ZNF385D: variants seen among roughly 807,000 people sequenced by gnomAD.
ZNF385D encodes the protein zinc finger protein 659.
A neutral mutation model predicts 35.8 loss-of-function variants in ZNF385D; 15 were observed. The ratio of observed to expected loss-of-function variants is 0.42; its 90% CI spans 0.28 to 0.64. ZNF385D has a LOEUF of 0.64. Ranked by LOEUF, ZNF385D falls within the 30% of genes least tolerant of loss-of-function variation. The pLI, the probability that ZNF385D is intolerant of heterozygous loss-of-function variation, is 0.23. For synonymous variants in ZNF385D, 212 were observed against 186.8 expected (o/e 1.13, Z -1.10); for missense variants, 474 against 494.6 (o/e 0.96, Z 0.39).
At chr3:21,885,156 C>T (rs1040539451) in intron 3 of ZNF385D, among the ~76,000 whole-genome samples, 1 of 151,944 alleles carries the variant, frequency 6.6e-6, no homozygotes, top group African/African-American at 2.4e-5. Flanking sequence ...ATCATATATG[C>T]AGCTGTTACA....
chr3:22,305,657 T>C (rs1703167220), intron 2 of ZNF385D, among the ~76,000 whole-genome samples: 1 of 152,168 alleles, frequency 6.6e-6, no homozygotes, highest in Non-Finnish European at 1.5e-5. Context: ...AGATGATGCA[T>C]GTCACTGCTG....
intron 2 of ZNF385D, among the ~76,000 whole-genome samples, chr3:21,640,210 T>C (rs2065562467): frequency 6.6e-6 from 1 of 152,076 alleles, no homozygotes; most frequent in Non-Finnish European, 1.5e-5. Context: ...ATTCACATGT[T>C]ATACTGCCAT....
chr3:21,782,123 T>C (rs17621744), intron 3 of ZNF385D, among the ~76,000 whole-genome samples: 45,794 of 151,994 alleles, frequency 0.3, 7,642 homozygotes, highest in Middle Eastern at 0.44. Context: ...TTTAGCATAA[T>C]TCATTCAGAG....
chr3:22,206,600 A>C (rs776935398), intron 2 of ZNF385D, among the ~76,000 whole-genome samples: 1 of 152,024 alleles, frequency 6.6e-6, no homozygotes, highest in Non-Finnish European at 1.5e-5. Flanking sequence ...CCATGAATAA[A>C]ACTAGAAATC....
intron 3 of ZNF385D, among the ~76,000 whole-genome samples, chr3:22,139,218 G>A (rs1704342565): frequency 6.6e-6 from 1 of 152,084 alleles, no homozygotes; most frequent in African/African-American, 2.4e-5. Flanking sequence ...GATTCCTCAG[G>A]GATCTAGAAC....
At chr3:21,647,842 G>C (rs1575392451) in intron 2 of ZNF385D, among the ~76,000 whole-genome samples, 1 of 151,886 alleles carries the variant, frequency 6.6e-6, no homozygotes, top group Admixed American at 6.6e-5. Flanking sequence ...TTATAGGCTT[G>C]GCAGAATAAA....
At chr3:21,566,811 G>A (rs1021936955) in intron 2 of ZNF385D, among the ~76,000 whole-genome samples, 2 of 152,116 alleles carry the variant, frequency 1.3e-5, no homozygotes, top group Non-Finnish European at 2.9e-5. Context: ...TCCACTATCT[G>A]GACAAGTTCC....
At chr3:21,517,612 T>G (rs1269383858) in intron 3 of ZNF385D, among the ~76,000 whole-genome samples, 1 of 152,144 alleles carries the variant, frequency 6.6e-6, no homozygotes, top group African/African-American at 2.4e-5. Context: ...CTGTGAAACC[T>G]CCCCACCTCC....
intron 3 of ZNF385D, among the ~76,000 whole-genome samples, chr3:21,791,303 A>G (rs1171965416): frequency 6.6e-6 from 1 of 152,220 alleles, no homozygotes; most frequent in Non-Finnish European, 1.5e-5. Flanking sequence ...CAATAACCCA[A>G]AAAACAAATT....
chr3:21,893,292 A>G (rs959912473), intron 3 of ZNF385D, among the ~76,000 whole-genome samples: 1 of 152,188 alleles, frequency 6.6e-6, no homozygotes, highest in African/African-American at 2.4e-5. Context: ...CATTCCAAAT[A>G]TGAATTGCAC....
chr3:22,171,125 T>A (rs1242121879), intron 2 of ZNF385D, among the ~76,000 whole-genome samples: 1 of 152,078 alleles, frequency 6.6e-6, no homozygotes, highest in Non-Finnish European at 1.5e-5. Context: ...AAAAAATAAA[T>A]CAATAAATTT....
Position 22,291,475 on chromosome 3 carries a change from C to T in ZNF385D, c.106+80975G>A, listed in dbSNP as rs114957049. Among the ~76,000 whole-genome samples the T allele has an allele frequency of 5.7e-3, 866 of 151,928 alleles. 9 individuals are homozygous for T. Among genetic ancestry groups the T allele is most frequent in the South Asian group, 0.049 (236 of 4,816 alleles). On this transcript the variant is annotated intron_variant, in intron 2 of 5. Coordinates refer to the ZNF385D transcript ENST00000494108. ...ATTTTCTGTTTAATTTTATATCCTA[C>T]CATATACAAATATAATAGCTTTCCT...
At position 21,418,227 on chromosome 3, in the gene ZNF385D, C is replaced by T. The variant is rs556662117; in HGVS notation, c.*2987G>A. On this transcript the variant is annotated 3_prime_UTR_variant, in exon 8 of 8. Transcript: ENST00000281523. ...TGATGCATGGGAAGGAATGTAAAAC[C>T]ATAAAGTCAGACCACCCTCAGGGAT... is the stretch of plus-strand genomic sequence containing the variant. 9.2e-5 allele frequency: 14 copies of T among 152,252 alleles called. No individual in the cohort carries two copies. The highest frequency in any genetic ancestry group is 8.3e-4 in the South Asian group (4 of 4,834). The allele number at this position is 152,252 out of a possible 1,614,324, so 9.4% of individuals were successfully genotyped here.
At chr3:22,326,720 A>G (rs1377578855) in intron 2 of ZNF385D, among the ~76,000 whole-genome samples, 1 of 152,244 alleles carries the variant, frequency 6.6e-6, no homozygotes, top group Non-Finnish European at 1.5e-5. Context: ...TTAGTGACAA[A>G]GTCTACCTAA....
chr3:21,677,514 C>T (rs2066766169), intron 1 of ZNF385D, among the ~76,000 whole-genome samples: 1 of 152,000 alleles, frequency 6.6e-6, no homozygotes, highest in Admixed American at 6.6e-5. Context: ...GCTGCAGATT[C>T]ACTAGAAGCT....
At chr3:21,761,147 G>A (rs1041992495) in intron 3 of ZNF385D, among the ~76,000 whole-genome samples, 2 of 152,158 alleles carry the variant, frequency 1.3e-5, no homozygotes, top group Non-Finnish European at 2.9e-5. Flanking sequence ...TGCCATGTAT[G>A]TGAATGAGCT....
chr3:22,085,078 G>A (rs1700957129), intron 3 of ZNF385D, among the ~76,000 whole-genome samples: 1 of 152,242 alleles, frequency 6.6e-6, no homozygotes, highest in Non-Finnish European at 1.5e-5. Context: ...TTAAAGCAGT[G>A]TGTAGAGGGA....
At chr3:22,136,607 A>T (rs1327297001) in intron 3 of ZNF385D, among the ~76,000 whole-genome samples, 1 of 152,200 alleles carries the variant, frequency 6.6e-6, no homozygotes, top group Non-Finnish European at 1.5e-5. Context: ...AGTTAAACAG[A>T]CATTTGATCA....
At chr3:22,011,186 T>C (rs1696548968) in intron 3 of ZNF385D, among the ~76,000 whole-genome samples, 1 of 152,114 alleles carries the variant, frequency 6.6e-6, no homozygotes, top group Non-Finnish European at 1.5e-5. Flanking sequence ...TTATTGTTTC[T>C]AAAATATGTA....
Sources: gnomAD v4.1 joint callset for allele counts (sites outside exome capture counted in the v4.1 genomes callset) on GRCh38, gnomAD v4.1.1 for gene constraint, MANE v1.5 for transcripts, NCBI Gene and HGNC (gene_info 2026-07-23, HGNC 2026-07-21) for gene names.